CTIF: variants seen among roughly 807,000 people sequenced by gnomAD.
CTIF encodes cap binding complex dependent translation initiation factor.
A neutral mutation model predicts 66.0 loss-of-function variants in CTIF; 21 were observed. The ratio of observed to expected loss-of-function variants is 0.32; its 90% confidence interval spans 0.23 to 0.46. CTIF has a LOEUF of 0.46. Among genes scored for constraint, CTIF ranks in the 20% least tolerant of loss-of-function variants. The pLI, the probability that CTIF is intolerant of heterozygous loss-of-function variation, is 1.00. For missense variants in CTIF, 739 were observed against 812.7 expected, an observed-to-expected ratio of 0.91 and a Z score of 1.10; for synonymous variants, 345 against 326.4, an observed-to-expected ratio of 1.06 and a Z score of -0.62.
chr18:48,633,683 C>G (rs1041352166), intron 2 of CTIF, among the ~76,000 whole-genome samples: 5 of 150,692 alleles, frequency 3.3e-5, no homozygotes, highest in Non-Finnish European at 7.4e-5. Flanking sequence ...GCCTGGGCGA[C>G]AGAATGAGCC....
At chr18:48,713,180 A>G (rs1345548552) in intron 7 of CTIF, among the ~76,000 whole-genome samples, 3 of 152,198 alleles carry the variant, frequency 2.0e-5, no homozygotes, top group Non-Finnish European at 2.9e-5. Flanking sequence ...AATAGGGTTC[A>G]CAGGGGCCTG....
intron 10 of CTIF, among the ~76,000 whole-genome samples, chr18:48,846,851 GTGGA>G (rs544126275): frequency 5.4e-5 from 8 of 147,770 alleles, no homozygotes; most frequent in Admixed American, 1.3e-4. Flanking sequence ...GAATGGATGG[GTGGA>G]TGGATGGATG....
intron 1 of CTIF, among the ~76,000 whole-genome samples, chr18:48,594,671 C>T (rs1027528088): frequency 3.3e-5 from 5 of 152,182 alleles, no homozygotes; most frequent in Admixed American, 1.3e-4. Context: ...AGCAAGGTGC[C>T]GGAAATCCAT....
intron 1 of CTIF, among the ~76,000 whole-genome samples, chr18:48,550,924 C>A (rs12606093): frequency 0.62 from 93,887 of 151,916 alleles, 30,604 homozygotes; most frequent in East Asian, 0.92. Flanking sequence ...GCACAGTGCC[C>A]TGGACGAGAA....
At chr18:48,661,403 T>A (rs928794312) in intron 3 of CTIF, among the ~76,000 whole-genome samples, 1 of 151,752 alleles carries the variant, frequency 6.6e-6, no homozygotes, top group African/African-American at 2.4e-5. Context: ...GATTTTTTTT[T>A]ATCTTTGCTT....
At chr18:48,743,333 C>T (rs561166542) in intron 7 of CTIF, among the ~76,000 whole-genome samples, 58 of 152,296 alleles carry the variant, frequency 3.8e-4, no homozygotes, top group African/African-American at 1.2e-3. Context: ...TAAAAACTCT[C>T]GGGTCTCAGC....
chr18:48,683,280 A>G (rs1480701623), intron 6 of CTIF: 1 of 151,824 alleles, frequency 6.6e-6, no homozygotes, highest in East Asian at 2.0e-4. Flanking sequence ...TGGAAAGGCT[A>G]CATACTGTGG....
chr18:48,559,023 A>G (rs2089088742), intron 1 of CTIF, among the ~76,000 whole-genome samples: 1 of 152,196 alleles, frequency 6.6e-6, no homozygotes, highest in South Asian at 2.1e-4. Context: ...TGGACTCAGC[A>G]TTTTTAGACT....
chr18:48,708,271 A>G (rs1228367777), intron 6 of CTIF, among the ~76,000 whole-genome samples: 1 of 152,184 alleles, frequency 6.6e-6, no homozygotes, highest in Admixed American at 6.6e-5. Flanking sequence ...GTGACTCAGT[A>G]CAGACTTTCT....
At chr18:48,598,297 G>A (rs890640033) in intron 1 of CTIF, among the ~76,000 whole-genome samples, 1 of 152,236 alleles carries the variant, frequency 6.6e-6, no homozygotes, top group Non-Finnish European at 1.5e-5. Flanking sequence ...AACTTAGCCT[G>A]TGAACTTCTG....
intron 6 of CTIF, among the ~76,000 whole-genome samples, chr18:48,690,370 G>A (rs909060223): frequency 6.6e-6 from 1 of 152,072 alleles, no homozygotes; most frequent in Non-Finnish European, 1.5e-5. Context: ...GACCTACAAA[G>A]TGCACACATC....
chr18:48,845,446 C>G (rs2069049241), intron 10 of CTIF, among the ~76,000 whole-genome samples: 1 of 152,188 alleles, frequency 6.6e-6, no homozygotes, highest in Non-Finnish European at 1.5e-5. Context: ...ACTCTTGGCC[C>G]TCATGACGCC....
intron 6 of CTIF, among the ~76,000 whole-genome samples, chr18:48,684,584 G>C (rs1418097031): frequency 1.3e-5 from 2 of 152,044 alleles, no homozygotes; most frequent in East Asian, 3.9e-4. Flanking sequence ...TCTCAATATA[G>C]GTATACCGAA....
chr18:48,602,808 C>G (rs555132540), intron 1 of CTIF, among the ~76,000 whole-genome samples: 4 of 146,962 alleles, frequency 2.7e-5, no homozygotes, highest in Admixed American at 1.3e-4. Context: ...GGTGGGTGAA[C>G]GAATGGATGA....
chr18:48,863,015 G>C lies in CTIF; in HGVS notation c.*3456G>C, dbSNP rs2069512811. Reference sequence around the variant, plus strand: ...TTCCTCTGCGCGGAACACTCACACGGAAGGGCTGGCCGCCTCCCTGAGCCG... The same window carrying C: ...TTCCTCTGCGCGGAACACTCACACGCAAGGGCTGGCCGCCTCCCTGAGCCG... On this transcript the variant is annotated 3_prime_UTR_variant, in exon 12 of 12. Transcript: ENST00000256413. 1 of 152,298 alleles carries C rather than the reference G, an allele frequency of 6.6e-6. No homozygotes were observed. Among genetic ancestry groups the C allele is most frequent in the Non-Finnish European group, 1.5e-5 (1 of 68,082 alleles). 9.4% of individuals were successfully genotyped at this position (152,298 alleles called of 1,614,324 possible).
intron 7 of CTIF, among the ~76,000 whole-genome samples, chr18:48,732,703 G>A (rs780340921): frequency 4.6e-5 from 7 of 152,254 alleles, no homozygotes; most frequent in African/African-American, 7.2e-5. Context: ...CCTTTGGCTC[G>A]CAGCATTGCC....
chr18:48,730,859 G>A (rs1181399999), intron 7 of CTIF, among the ~76,000 whole-genome samples: 1 of 146,392 alleles, frequency 6.8e-6, no homozygotes, highest in Non-Finnish European at 1.5e-5. Flanking sequence ...CGCAGCATGA[G>A]GGGCCTCCCG....
At chr18:48,812,605 T>G (rs1234972360) in intron 9 of CTIF, among the ~76,000 whole-genome samples, 1 of 151,998 alleles carries the variant, frequency 6.6e-6, no homozygotes, top group African/African-American at 2.4e-5. Flanking sequence ...AATTTAAAAG[T>G]TAGCCAGGCA....
At chr18:48,729,731 G>A (rs2092420274) in intron 7 of CTIF, among the ~76,000 whole-genome samples, 1 of 152,226 alleles carries the variant, frequency 6.6e-6, no homozygotes, top group South Asian at 2.1e-4. Flanking sequence ...ATCTGGAGTT[G>A]TCTTCCTGTC....
Sources: allele counts gnomAD v4.1 joint callset (sites outside exome capture counted in the v4.1 genomes callset), GRCh38; gene constraint gnomAD v4.1.1; transcripts MANE v1.5; gene names NCBI Gene and HGNC (gene_info 2026-07-23, HGNC 2026-07-21).